The following BLTP3B variants were observed in gnomAD, a reference collection of about 807,000 sequenced individuals.
The protein encoded by BLTP3B is UHRF1 (ICBP90) binding protein 1-like.
chr12:100,047,828 C>G, the BLTP3B span: 3 of 1,211,348 alleles, frequency 2.5e-6, no homozygotes, highest in Non-Finnish European at 3.4e-6. Flanking sequence ...AAGACAAAAT[C>G]ATTTTAATAA....
the BLTP3B span, among the ~76,000 whole-genome samples, chr12:100,098,780 A>T: frequency 1.3e-5 from 2 of 151,604 alleles, no homozygotes; most frequent in Admixed American, 1.3e-4. Flanking sequence ...ACAGTGGCAC[A>T]TGCCTGTAAT....
At chr12:100,105,692 A>G in the BLTP3B span, among the ~76,000 whole-genome samples, 6 of 152,198 alleles carry the variant, frequency 3.9e-5, no homozygotes, top group African/African-American at 1.4e-4. Flanking sequence ...AGACCTAATT[A>G]AACTAAAACG....
chr12:100,087,029 C>T, the BLTP3B span, among the ~76,000 whole-genome samples: 15 of 151,888 alleles, frequency 9.9e-5, no homozygotes, highest in African/African-American at 3.6e-4. Flanking sequence ...CATGGTGGCA[C>T]GCCCCTGTAG....
At chr12:100,122,290 A>T in the BLTP3B span, among the ~76,000 whole-genome samples, 1 of 152,168 alleles carries the variant, frequency 6.6e-6, no homozygotes, top group Non-Finnish European at 1.5e-5. Context: ...ACTACAAAGA[A>T]TATCAAATAA....
the BLTP3B span, among the ~76,000 whole-genome samples, chr12:100,142,201 C>G: frequency 2.6e-5 from 4 of 152,246 alleles, no homozygotes; most frequent in African/African-American, 9.6e-5. Flanking sequence ...GGAAGGAGCA[C>G]CGAACTCGAG....
At chr12:100,095,970 G>A in the BLTP3B span, 1 of 907,626 alleles carries the variant, frequency 1.1e-6, no homozygotes, top group South Asian at 2.0e-5. Flanking sequence ...AGTATTTACT[G>A]GCCGGGCACG....
the BLTP3B span, among the ~76,000 whole-genome samples, chr12:100,070,837 A>G: frequency 6.7e-6 from 1 of 149,150 alleles, no homozygotes; most frequent in Non-Finnish European, 1.5e-5. Context: ...CACCTCTACT[A>G]AAAAAAAAAT....
chr12:100,126,890 A>G, the BLTP3B span, among the ~76,000 whole-genome samples: 88 of 152,322 alleles, frequency 5.8e-4, 1 homozygote, highest in Admixed American at 1.5e-3. Context: ...TAAAGAAGAT[A>G]AGTTCAATAG....
chr12:100,099,909 C>G, the BLTP3B span, among the ~76,000 whole-genome samples: 4 of 144,840 alleles, frequency 2.8e-5, no homozygotes, highest in Non-Finnish European at 6.0e-5. Flanking sequence ...GCCTGGGTGA[C>G]AGAGAGAGAT....
the BLTP3B span, among the ~76,000 whole-genome samples, chr12:100,079,908 C>G: frequency 0.12 from 18,290 of 152,260 alleles, 2,078 homozygotes; most frequent in East Asian, 0.59. Flanking sequence ...AGAGCTTGGG[C>G]CATAGCTTCA....
chr12:100,127,453 T>C, the BLTP3B span, among the ~76,000 whole-genome samples: 1 of 152,242 alleles, frequency 6.6e-6, no homozygotes. Flanking sequence ...ATGTAATAAG[T>C]TGCACAATTC....
At chr12:100,043,706 C>T in the BLTP3B span, among the ~76,000 whole-genome samples, 10 of 152,310 alleles carry the variant, frequency 6.6e-5, no homozygotes, top group Middle Eastern at 6.8e-3. Flanking sequence ...GAATCATTCC[C>T]TTCCTGGGGG....
chr12:100,041,152 A>G, the BLTP3B span, among the ~76,000 whole-genome samples: 1 of 152,320 alleles, frequency 6.6e-6, no homozygotes, highest in East Asian at 1.9e-4. Flanking sequence ...AAATGTATCT[A>G]TCATCCAAAA....
the BLTP3B span, chr12:100,057,753 A>G: frequency 6.3e-7 from 1 of 1,586,380 alleles, no homozygotes. Flanking sequence ...TCCACTGTTA[A>G]CAAAATTATT....
the BLTP3B span, among the ~76,000 whole-genome samples, chr12:100,106,730 A>C: frequency 6.6e-6 from 1 of 152,226 alleles, no homozygotes; most frequent in Non-Finnish European, 1.5e-5. Context: ...AACAAAAACC[A>C]CTTGTATCTC....
chr12:100,076,303 A>G, the BLTP3B span, among the ~76,000 whole-genome samples: 1 of 151,806 alleles, frequency 6.6e-6, no homozygotes, highest in South Asian at 2.1e-4. Context: ...TCATCATTCA[A>G]TAGACGTGTA....
the BLTP3B span, among the ~76,000 whole-genome samples, chr12:100,085,409 T>C: frequency 6.6e-6 from 1 of 152,070 alleles, no homozygotes. Flanking sequence ...AAATATCTAG[T>C]TAAAAATTTT....
chr12:100,039,709 C>T, the BLTP3B span: 1 of 1,614,042 alleles, frequency 6.2e-7, no homozygotes, highest in Non-Finnish European at 8.5e-7. Context: ...TTCTTCAGAT[C>T]ATACTTTCCA....
the BLTP3B span, chr12:100,102,829 C>T: frequency 6.2e-7 from 1 of 1,604,150 alleles, no homozygotes; most frequent in Non-Finnish European, 8.5e-7. Flanking sequence ...TTCACATGTA[C>T]TCATTTCCAT....
Sources: gnomAD v4.1 joint callset for allele counts (sites outside exome capture counted in the v4.1 genomes callset) on GRCh38, gnomAD v4.1.1 for gene constraint, MANE v1.5 for transcripts, NCBI Gene and HGNC (gene_info 2026-07-23, HGNC 2026-07-21) for gene names.